MACIR: variants seen among roughly 807,000 people sequenced by gnomAD.
MACIR encodes the protein UNC119-binding protein C5orf30.
Under a neutral mutation model 14.3 loss-of-function variants are expected in MACIR, and 4 were observed. The ratio of observed to expected loss-of-function variants is 0.28; its 90% CI spans 0.14 to 0.64. The LOEUF is 0.64. MACIR is among the 30% of genes least tolerant of loss of function. The probability of loss-of-function intolerance (pLI) is 0.83; values close to 1 mark genes in which losing one functional copy is unlikely to be tolerated. For synonymous variants in MACIR, 101 were observed against 102.4 expected (o/e 0.99, Z 0.08); for missense variants, 228 against 257.6 (o/e 0.89, Z 0.79).
At chr5:103,262,119 A>G (rs1554236362) in intron 1 of MACIR, among the ~76,000 whole-genome samples, 3 of 152,040 alleles carry the variant, frequency 2.0e-5, no homozygotes, top group African/African-American at 7.2e-5. Flanking sequence ...TTGGGTTCCT[A>G]GTGCCATTCA....
In MACIR at chr5:103,276,340, T is replaced by C; in HGVS notation, c.421T>C (p.Leu141=). The C allele has an allele frequency of 1.2e-6, 2 of 1,613,360 alleles. No individual in the cohort carries two copies. Among genetic ancestry groups the C allele is most frequent in the Non-Finnish European group, 1.7e-6 (2 of 1,179,900 alleles). ...CTCAGGAGACAAGTGCACTAAATCT[T>C]TACCTTATGAACCTTACAAGGCCCT... ...PSSGDKCTKS[L]PYEPYKALHG... is the part of the protein sequence containing the mutation. The change falls in exon 3 of 3, where the codon TTA becomes CTA. Residue 141 remains leucine, a synonymous_variant. Coordinates refer to ENST00000319933, the MANE Select transcript of MACIR (RefSeq NM_033211.4).
intron 1 of MACIR, among the ~76,000 whole-genome samples, chr5:103,264,868 T>G (rs2288788): frequency 0.3 from 45,005 of 151,908 alleles, 6,675 homozygotes; most frequent in Non-Finnish European, 0.32. Context: ...TTCTTGCAGT[T>G]TGTCTTTTGT....
intron 2 of MACIR, among the ~76,000 whole-genome samples, chr5:103,266,672 T>G (rs1388849059): frequency 6.6e-6 from 1 of 152,140 alleles, no homozygotes; most frequent in African/African-American, 2.4e-5. Flanking sequence ...TAAGACTATA[T>G]TAGTGTGACT....
At position 103,276,332 on chromosome 5, in the gene MACIR, C is replaced by T. The variant is rs1554237724; in HGVS notation, c.413C>T (p.Thr138Ile). The change falls in exon 3 of 3, where the codon ACT becomes ATT. Residue 138 changes from threonine to isoleucine, a missense_variant. Coordinates refer to ENST00000319933, the MANE Select transcript of MACIR (RefSeq NM_033211.4). Reference protein sequence around the residue: ...RRMPSSGDKCTKSLPYEPYKA... With the variant: ...RRMPSSGDKCIKSLPYEPYKA... ...ATGCCAAGCTCAGGAGACAAGTGCA[C>T]TAAATCTTTACCTTATGAACCTTAC... The T allele has an allele frequency of 1.9e-6, 3 of 1,613,084 alleles. No individual in the cohort carries two copies. The African/African-American group carries it at 4.0e-5, about 22-fold the overall frequency.
intron 2 of MACIR, among the ~76,000 whole-genome samples, chr5:103,272,684 G>A (rs1182407860): frequency 1.3e-5 from 2 of 152,092 alleles, no homozygotes; most frequent in African/African-American, 4.8e-5. Flanking sequence ...AGCTTTCTTG[G>A]TGCAGCATAG....
chr5:103,264,933 A>G (rs565810181), intron 1 of MACIR, among the ~76,000 whole-genome samples: 57 of 152,228 alleles, frequency 3.7e-4, no homozygotes, highest in African/African-American at 1.3e-3. Flanking sequence ...CTACATAGAT[A>G]AAATGAATCT....
At chr5:103,273,162 C>T (rs1562550592) in intron 2 of MACIR, among the ~76,000 whole-genome samples, 1 of 152,116 alleles carries the variant, frequency 6.6e-6, no homozygotes, top group Non-Finnish European at 1.5e-5. Flanking sequence ...TTCTGTTTTC[C>T]ATAGTGAATG....
chr5:103,276,606 G>A lies in MACIR; in HGVS notation c.*66G>A. 3 of 1,416,566 alleles carry A rather than the reference G, an allele frequency of 2.1e-6. No homozygotes were observed. Among genetic ancestry groups the A allele is most frequent in the South Asian group, 2.7e-5 (2 of 73,442 alleles). 87.7% of individuals were successfully genotyped at this position (1,416,566 alleles called of 1,614,324 possible). ...GCTTGGCTAGAAAAAACCCACTGCTGTACTCTGTACATGACTCTTCACACT... is the reference window on the plus strand; with the variant it reads ...GCTTGGCTAGAAAAAACCCACTGCTATACTCTGTACATGACTCTTCACACT... On this transcript the variant is annotated 3_prime_UTR_variant, in exon 3 of 3. Transcript: ENST00000319933.
At chr5:103,259,400 G>GGCGC (rs1388450134) in intron 1 of MACIR, 2 of 152,142 alleles carry the variant, frequency 1.3e-5, no homozygotes, top group Non-Finnish European at 2.9e-5. Context: ...GGGGCGCGTT[G>GGCGC]GCGCGCACGC....
intron 2 of MACIR, among the ~76,000 whole-genome samples, chr5:103,270,199 G>A (rs1006643495): frequency 6.6e-6 from 1 of 152,128 alleles, no homozygotes; most frequent in Non-Finnish European, 1.5e-5. Context: ...TTATATAAAA[G>A]AATATCCATA....
chr5:103,271,327 T>G (rs1334677556), intron 2 of MACIR, among the ~76,000 whole-genome samples: 2 of 152,138 alleles, frequency 1.3e-5, no homozygotes, highest in Non-Finnish European at 2.9e-5. Flanking sequence ...TGCTCCAAAT[T>G]TAGGTTTGGC....
At chr5:103,260,235 T>C (rs1474109872) in intron 1 of MACIR, among the ~76,000 whole-genome samples, 9 of 151,908 alleles carry the variant, frequency 5.9e-5, no homozygotes, top group Admixed American at 2.0e-4. Flanking sequence ...TTTTTTTTTT[T>C]CCGAAGAGCC....
At chr5:103,262,930 G>C (rs1804780093) in intron 1 of MACIR, among the ~76,000 whole-genome samples, 1 of 152,086 alleles carries the variant, frequency 6.6e-6, no homozygotes, top group Non-Finnish European at 1.5e-5. Flanking sequence ...TCAGTGTTTA[G>C]AACATTGGCC....
intron 1 of MACIR, among the ~76,000 whole-genome samples, chr5:103,260,811 G>A (rs146811314): frequency 3.9e-5 from 6 of 152,256 alleles, no homozygotes; most frequent in African/African-American, 1.4e-4. Context: ...GGTGAGGTGG[G>A]GGATCAGCTC....
chr5:103,270,920 C>G (rs1466698353), intron 2 of MACIR, among the ~76,000 whole-genome samples: 2 of 152,028 alleles, frequency 1.3e-5, no homozygotes, highest in East Asian at 3.9e-4. Context: ...TTTACCATAT[C>G]CCTCCTATCA....
intron 1 of MACIR, among the ~76,000 whole-genome samples, chr5:103,265,324 G>T (rs1042563093): frequency 4.6e-5 from 7 of 152,030 alleles, no homozygotes; most frequent in African/African-American, 1.7e-4. Flanking sequence ...AAAATTAATT[G>T]CATAATAATA....
intron 2 of MACIR, among the ~76,000 whole-genome samples, chr5:103,269,561 C>T (rs550158772): frequency 2.6e-5 from 4 of 152,146 alleles, no homozygotes; most frequent in South Asian, 4.1e-4. Flanking sequence ...AAGAATTCTT[C>T]GTATAGCAGT....
At chr5:103,267,628 G>C (rs1475182769) in intron 2 of MACIR, among the ~76,000 whole-genome samples, 1 of 152,096 alleles carries the variant, frequency 6.6e-6, no homozygotes, top group African/African-American at 2.4e-5. Context: ...GATTCCTTTT[G>C]ATTCCAAAAT....
chr5:103,263,198 TA>T (rs1804789751), intron 1 of MACIR, among the ~76,000 whole-genome samples: 1 of 143,128 alleles, frequency 7.0e-6, no homozygotes, highest in African/African-American at 3.0e-5. Context: ...TTTCACCATA[TA>T]CCTCCTCCTC....
Sources: allele counts gnomAD v4.1 joint callset (sites outside exome capture counted in the v4.1 genomes callset), GRCh38; gene constraint gnomAD v4.1.1; transcripts MANE v1.5; gene names NCBI Gene and HGNC (gene_info 2026-07-23, HGNC 2026-07-21).